GALNT13: variants seen among roughly 807,000 people sequenced by gnomAD.
GALNT13 encodes polypeptide N-acetylgalactosaminyltransferase 13, also known as UDP-GalNAc:polypeptide N-acetylgalactosaminyltransferase 13.
A neutral mutation model predicts 64.2 loss-of-function variants in GALNT13; 28 were observed. The observed-to-expected ratio is 0.44, with a 90% CI of 0.32 to 0.60. GALNT13 has a LOEUF of 0.60. Ranked by LOEUF, GALNT13 falls within the 20% of genes least tolerant of loss-of-function variation. The probability of loss-of-function intolerance (pLI) is 0.05; values close to 1 mark genes in which losing one functional copy is unlikely to be tolerated. For missense variants in GALNT13, 577 were observed against 669.8 expected, an observed-to-expected ratio of 0.86 and a Z score of 1.53; for synonymous variants, 214 against 224.6, an observed-to-expected ratio of 0.95 and a Z score of 0.42.
At chr2:153,417,032 G>T in the GALNT13 span, among the ~76,000 whole-genome samples, 1 of 152,158 alleles carries the variant, frequency 6.6e-6, no homozygotes, top group Non-Finnish European at 1.5e-5. Flanking sequence ...CAGAAGTAGG[G>T]ATCACAAATT....
intron 3 of GALNT13, among the ~76,000 whole-genome samples, chr2:154,070,575 C>G (rs1324805578): frequency 1.9e-4 from 29 of 152,068 alleles, no homozygotes; most frequent in Admixed American, 1.9e-3. Context: ...AAATGATCTA[C>G]TATCTTCTCC....
At chr2:153,167,653 A>G in the GALNT13 span, among the ~76,000 whole-genome samples, 9 of 152,150 alleles carry the variant, frequency 5.9e-5, 1 homozygote, top group Non-Finnish European at 1.3e-4. Context: ...ATCTGGTGCA[A>G]TCGGATAGTC....
At chr2:154,153,725 C>A (rs1197123464) in intron 4 of GALNT13, among the ~76,000 whole-genome samples, 3 of 152,204 alleles carry the variant, frequency 2.0e-5, no homozygotes. Flanking sequence ...GGGCATAGAA[C>A]CCTCCGAGCC....
intron 3 of GALNT13, among the ~76,000 whole-genome samples, chr2:153,981,582 G>A (rs747560437): frequency 1.3e-5 from 2 of 152,102 alleles, no homozygotes; most frequent in African/African-American, 2.4e-5. Flanking sequence ...ATTCCCTGAT[G>A]TATATATGCC....
chr2:154,428,847 T>A (rs1181074611), intron 11 of GALNT13, among the ~76,000 whole-genome samples: 1 of 151,838 alleles, frequency 6.6e-6, no homozygotes, highest in Non-Finnish European at 1.5e-5. Flanking sequence ...AGTGGCGCGA[T>A]CTCTGCTCAC....
At chr2:154,128,320 G>C (rs1682411545) in intron 3 of GALNT13, among the ~76,000 whole-genome samples, 1 of 151,922 alleles carries the variant, frequency 6.6e-6, no homozygotes, top group African/African-American at 2.4e-5. Flanking sequence ...ACTTGAAAAA[G>C]GATCAGGAAT....
the GALNT13 span, among the ~76,000 whole-genome samples, chr2:153,557,156 T>C: frequency 1.3e-5 from 2 of 152,296 alleles, no homozygotes; most frequent in South Asian, 4.1e-4. Context: ...CTCTACCTTT[T>C]CTATGTTTAG....
At chr2:153,454,762 C>A in the GALNT13 span, among the ~76,000 whole-genome samples, 1 of 152,158 alleles carries the variant, frequency 6.6e-6, no homozygotes, top group Non-Finnish European at 1.5e-5. Context: ...AAAAGTATGT[C>A]AAGACCTATG....
At chr2:153,720,373 GA>G in the GALNT13 span, among the ~76,000 whole-genome samples, 1 of 150,664 alleles carries the variant, frequency 6.6e-6, no homozygotes. Context: ...AAACAGAGCA[GA>G]AAAACTGGAA....
At chr2:153,746,291 G>C in the GALNT13 span, among the ~76,000 whole-genome samples, 2 of 152,036 alleles carry the variant, frequency 1.3e-5, no homozygotes, top group South Asian at 2.1e-4. Context: ...CCTCCCAAAA[G>C]TTACCACTAT....
intron 1 of GALNT13, among the ~76,000 whole-genome samples, chr2:153,881,133 C>A (rs1469181424): frequency 6.6e-6 from 1 of 152,164 alleles, no homozygotes; most frequent in African/African-American, 2.4e-5. Context: ...GAGTTGTGTG[C>A]TTGGGCCCTG....
chr2:153,072,909 C>G, the GALNT13 span, among the ~76,000 whole-genome samples: 1 of 152,180 alleles, frequency 6.6e-6, no homozygotes, highest in African/African-American at 2.4e-5. Context: ...GCACTATCTT[C>G]TATTGAGCAT....
intron 8 of GALNT13, among the ~76,000 whole-genome samples, chr2:154,279,155 A>C (rs373983495): frequency 1.3e-4 from 20 of 152,090 alleles, no homozygotes; most frequent in African/African-American, 4.8e-4. Flanking sequence ...TCCTTACCAG[A>C]ACACTCTAGA....
At chr2:153,226,434 C>G in the GALNT13 span, among the ~76,000 whole-genome samples, 2 of 152,204 alleles carry the variant, frequency 1.3e-5, no homozygotes, top group Admixed American at 6.5e-5. Flanking sequence ...TTCTCCACTT[C>G]AGAGTGGAGG....
chr2:154,185,877 C>T lies in GALNT13; in HGVS notation c.311+45372C>T, dbSNP rs566953004. Among the ~76,000 whole-genome samples, 5 of 152,076 alleles carry T rather than the reference C, an allele frequency of 3.3e-5. 1 individual carries two copies. The South Asian group carries it at 1.0e-3, about 31-fold the overall frequency. ...TGCCGTATTAAAATGTATTGCCTAGCTTGTAGTTCAAATGGATATTTTCAC... is the reference window on the plus strand; with the variant it reads ...TGCCGTATTAAAATGTATTGCCTAGTTTGTAGTTCAAATGGATATTTTCAC... On this transcript the variant is annotated intron_variant, in intron 4 of 12. Transcript: ENST00000392825.
At chr2:153,636,394 C>G in the GALNT13 span, among the ~76,000 whole-genome samples, 3 of 152,092 alleles carry the variant, frequency 2.0e-5, no homozygotes, top group Non-Finnish European at 4.4e-5. Flanking sequence ...ATTTTAAAAA[C>G]AGAAAGGTGG....
chr2:154,009,577 G>C (rs981229129), intron 3 of GALNT13, among the ~76,000 whole-genome samples: 1 of 148,568 alleles, frequency 6.7e-6, no homozygotes, highest in Non-Finnish European at 1.5e-5. Context: ...TGCAACCCCT[G>C]CCTCCTGGGT....
At chr2:153,571,505 T>C in the GALNT13 span, among the ~76,000 whole-genome samples, 2 of 152,040 alleles carry the variant, frequency 1.3e-5, no homozygotes, top group Non-Finnish European at 2.9e-5. Context: ...GTGATGAAAG[T>C]GAGCATCCTT....
intron 11 of GALNT13, among the ~76,000 whole-genome samples, chr2:154,434,804 C>A (rs1459120809): frequency 6.6e-6 from 1 of 152,052 alleles, no homozygotes; most frequent in Non-Finnish European, 1.5e-5. Flanking sequence ...AGGATTCATA[C>A]AAAGAGCTCT....
Sources: gnomAD v4.1 joint callset for allele counts (sites outside exome capture counted in the v4.1 genomes callset) on GRCh38, gnomAD v4.1.1 for gene constraint, MANE v1.5 for transcripts, NCBI Gene and HGNC (gene_info 2026-07-23, HGNC 2026-07-21) for gene names.